The following MGAT4C variants were observed in gnomAD, a reference collection of about 807,000 sequenced individuals.
MGAT4C encodes the protein alpha-1,3-mannosyl-glycoprotein 4-beta-N-acetylglucosaminyltransferase C.
A neutral mutation model predicts 40.1 loss-of-function variants in MGAT4C; 19 were observed. The ratio of observed to expected loss-of-function variants is 0.47; its 90% CI spans 0.33 to 0.70. MGAT4C has a LOEUF of 0.70. Among genes scored for constraint, MGAT4C ranks in the 30% least tolerant of loss-of-function variants. MGAT4C has a pLI of 0.02. For missense variants in MGAT4C, 491 were observed against 563.2 expected (o/e 0.87, Z 1.30); for synonymous variants, 181 against 187.1 (o/e 0.97, Z 0.27).
chr12:86,203,741 T>C (rs1032113129), intron 1 of MGAT4C, among the ~76,000 whole-genome samples: 3 of 151,836 alleles, frequency 2.0e-5, no homozygotes, highest in Admixed American at 6.6e-5. Flanking sequence ...GCGGATCACC[T>C]GAGGTCAGGA....
intron 1 of MGAT4C, among the ~76,000 whole-genome samples, chr12:86,816,813 G>A (rs541026093): frequency 6.6e-6 from 1 of 151,396 alleles, no homozygotes; most frequent in East Asian, 1.9e-4. Context: ...TGTCTTGATC[G>A]AACTAATCAG....
intron 1 of MGAT4C, among the ~76,000 whole-genome samples, chr12:86,096,803 C>A (rs964812690): frequency 7.9e-5 from 12 of 151,364 alleles, no homozygotes; most frequent in African/African-American, 2.9e-4. Context: ...AGTTCTATTA[C>A]CCTAGTTTAT....
chr12:86,508,011 T>TA (rs1958501946), intron 2 of MGAT4C, among the ~76,000 whole-genome samples: 1 of 152,092 alleles, frequency 6.6e-6, no homozygotes, highest in South Asian at 2.1e-4. Context: ...ATGGACATTT[T>TA]AAAAATATTA....
intron 2 of MGAT4C, among the ~76,000 whole-genome samples, chr12:86,462,864 G>T (rs989480838): frequency 2.0e-5 from 3 of 152,146 alleles, no homozygotes; most frequent in Admixed American, 1.3e-4. Flanking sequence ...TGATTACACG[G>T]TGTCCACCCA....
At chr12:86,106,748 A>T (rs1004757552) in intron 1 of MGAT4C, among the ~76,000 whole-genome samples, 6 of 151,894 alleles carry the variant, frequency 4.0e-5, no homozygotes, top group Non-Finnish European at 7.4e-5. Context: ...ACTTAGACAA[A>T]TTTACTGTCA....
chr12:86,235,296 A>G (rs1458508812), intron 1 of MGAT4C, among the ~76,000 whole-genome samples: 1 of 152,092 alleles, frequency 6.6e-6, no homozygotes, highest in African/African-American at 2.4e-5. Context: ...ATTTTAACAT[A>G]CACTTCACTG....
intron 1 of MGAT4C, among the ~76,000 whole-genome samples, chr12:86,086,873 T>C (rs1302943265): frequency 6.6e-6 from 1 of 152,006 alleles, no homozygotes; most frequent in Non-Finnish European, 1.5e-5. Context: ...TATATTTCCC[T>C]GAGTTCAGTT....
intron 4 of MGAT4C, among the ~76,000 whole-genome samples, chr12:86,307,615 C>T (rs922277381): frequency 6.6e-6 from 1 of 150,550 alleles, no homozygotes; most frequent in Non-Finnish European, 1.5e-5. Flanking sequence ...GAAAATTAGA[C>T]ATCTTGCCCA....
At chr12:86,475,056 T>C (rs1319687214) in intron 2 of MGAT4C, among the ~76,000 whole-genome samples, 3 of 152,112 alleles carry the variant, frequency 2.0e-5, no homozygotes, top group African/African-American at 7.2e-5. Flanking sequence ...TAAACTCATA[T>C]AACAGAGATA....
At chr12:86,272,298 A>G (rs912305725) in intron 4 of MGAT4C, among the ~76,000 whole-genome samples, 1 of 152,158 alleles carries the variant, frequency 6.6e-6, no homozygotes, top group Non-Finnish European at 1.5e-5. Context: ...CCTTAGATGG[A>G]CATTTGGATT....
rs1352011595 is a variant in MGAT4C at position 85,965,544 on chromosome 12, C to CG, written c.*13744dup. On this transcript the variant is annotated 3_prime_UTR_variant, in exon 5 of 5. Coordinates refer to ENST00000611864, the MANE Select transcript of MGAT4C (RefSeq NM_001351288.2). ...CCCAGGAGGTGGAACTTGCAGTGAGCGGAGATAGTGCCACTGCAGTCCGGC... is the reference window on the plus strand; with the variant it reads ...CCCAGGAGGTGGAACTTGCAGTGAGCGGGAGATAGTGCCACTGCAGTCCGGC... 7.7e-6 allele frequency: 1 copy of CG among 129,368 alleles called. No individual in the cohort carries two copies. The highest frequency in any genetic ancestry group is 1.5e-5 in the Non-Finnish European group (1 of 64,764). The allele number at this position is 129,368 out of a possible 1,614,324, so 8.0% of individuals were successfully genotyped here.
chr12:85,998,623 G>T (rs562760753), intron 2 of MGAT4C, among the ~76,000 whole-genome samples: 1 of 152,034 alleles, frequency 6.6e-6, no homozygotes, highest in Non-Finnish European at 1.5e-5. Flanking sequence ...CTCTAAGGCA[G>T]GGATAAAATG....
At chr12:86,583,857 C>T (rs555526159) in intron 2 of MGAT4C, among the ~76,000 whole-genome samples, 18 of 151,022 alleles carry the variant, frequency 1.2e-4, no homozygotes, top group African/African-American at 4.3e-4. Flanking sequence ...TCTTTCTTAA[C>T]GTTTTGCAAT....
rs1593071265 is a variant in MGAT4C, at chr12:86,641,172, T to C, written c.-229+86037A>G. Among the ~76,000 whole-genome samples the C allele has an allele frequency of 1.3e-5, 2 of 151,704 alleles. 1 individual carries two copies. The highest frequency in any genetic ancestry group is 3.9e-4 in the East Asian group (2 of 5,130). ...AAGAAAATGTGGCACTTATACACCA[T>C]GGAATACTATGCAGCCATAAAAAAT... On this transcript the variant is annotated intron_variant, in intron 2 of 7. Coordinates refer to the MGAT4C transcript ENST00000548651.
At chr12:86,128,212 G>A (rs1303060543) in intron 1 of MGAT4C, among the ~76,000 whole-genome samples, 2 of 152,100 alleles carry the variant, frequency 1.3e-5, no homozygotes, top group African/African-American at 2.4e-5. Flanking sequence ...CATACATGCC[G>A]TCCTTTGTTG....
chr12:86,073,915 A>G (rs1186388527), intron 1 of MGAT4C, among the ~76,000 whole-genome samples: 1 of 152,136 alleles, frequency 6.6e-6, no homozygotes, highest in Non-Finnish European at 1.5e-5. Context: ...AAATGTGAGG[A>G]CATGAGATTT....
intron 1 of MGAT4C, among the ~76,000 whole-genome samples, chr12:86,818,602 A>G (rs545747378): frequency 2.5e-4 from 38 of 151,238 alleles, no homozygotes; most frequent in African/African-American, 8.0e-4. Flanking sequence ...CAAGAAGCAC[A>G]ACGGCTCCCG....
chr12:86,798,488 G>T (rs1170397654), intron 1 of MGAT4C, among the ~76,000 whole-genome samples: 1 of 151,870 alleles, frequency 6.6e-6, no homozygotes, highest in African/African-American at 2.4e-5. Flanking sequence ...TTCATTATGT[G>T]CATCTCTTTT....
chr12:86,774,986 T>A (rs1951726958), intron 1 of MGAT4C, among the ~76,000 whole-genome samples: 1 of 152,186 alleles, frequency 6.6e-6, no homozygotes, highest in Admixed American at 6.5e-5. Flanking sequence ...CAGAAATAAT[T>A]GTTTAGTGGC....
Sources: gnomAD v4.1 joint callset for allele counts (sites outside exome capture counted in the v4.1 genomes callset) on GRCh38, gnomAD v4.1.1 for gene constraint, MANE v1.5 for transcripts, NCBI Gene and HGNC (gene_info 2026-07-23, HGNC 2026-07-21) for gene names.